The following RALYL variants were observed in gnomAD, a reference collection of about 807,000 sequenced individuals.
The protein encoded by RALYL is RNA-binding Raly-like protein.
RALYL carries 29 observed loss-of-function variants against 35.1 expected under a neutral mutation model. The observed-to-expected ratio is 0.83, with a 90% CI of 0.61 to 1.13. The LOEUF (loss-of-function observed/expected upper bound fraction) is 1.13. RALYL is among the 50% of genes most tolerant of loss of function. The pLI is 0.00. For missense variants in RALYL, 359 were observed against 360.4 expected, an observed-to-expected ratio of 1.00 and a Z score of 0.03; for synonymous variants, 120 against 127.6, an observed-to-expected ratio of 0.94 and a Z score of 0.40.
At chr8:84,561,281 A>G (rs1229126476) in intron 2 of RALYL, among the ~76,000 whole-genome samples, 1 of 152,098 alleles carries the variant, frequency 6.6e-6, no homozygotes, top group African/African-American at 2.4e-5. Context: ...TTAAAAAAGT[A>G]TAATATATAG....
intron 1 of RALYL, among the ~76,000 whole-genome samples, chr8:84,392,211 C>CAATAATAAT (rs1860855365): frequency 6.6e-6 from 1 of 151,832 alleles, no homozygotes; most frequent in Non-Finnish European, 1.5e-5. Context: ...TAATATGGTA[C>CAATAATAAT]AATAATAATT....
chr8:84,220,454 C>T (rs548243105), intron 1 of RALYL, among the ~76,000 whole-genome samples: 119 of 152,046 alleles, frequency 7.8e-4, no homozygotes, highest in African/African-American at 2.7e-3. Flanking sequence ...TCCAGTAACA[C>T]TAACTTTTGG....
intron 2 of RALYL, among the ~76,000 whole-genome samples, chr8:84,617,065 G>A (rs909877144): frequency 2.3e-4 from 35 of 150,660 alleles, no homozygotes; most frequent in Admixed American, 1.1e-3. Context: ...GGATTGACTC[G>A]GTGATGCAGG....
chr8:84,193,952 C>G (rs16912516), intron 1 of RALYL, among the ~76,000 whole-genome samples: 1,951 of 152,064 alleles, frequency 0.013, 44 homozygotes, highest in African/African-American at 0.043. Context: ...ACGAGATGAA[C>G]AGAATAAGAA....
intron 1 of RALYL, among the ~76,000 whole-genome samples, chr8:84,481,689 C>G (rs1004475605): frequency 7.9e-5 from 12 of 152,062 alleles, no homozygotes; most frequent in Non-Finnish European, 7.4e-5. Context: ...ATACTACAGG[C>G]ATTATGCAAA....
Position 84,722,734 on chromosome 8 carries a change from T to C in RALYL, c.257-51845T>C, listed in dbSNP as rs566056031. Among the ~76,000 whole-genome samples the C allele has an allele frequency of 3.5e-3, 521 of 147,862 alleles. 4 individuals carry two copies. The highest frequency in any genetic ancestry group is 0.012 in the African/African-American group (489 of 40,290). On this transcript the variant is annotated intron_variant, in intron 2 of 8. Coordinates refer to ENST00000521268, the MANE Select transcript of RALYL (RefSeq NM_173848.7). Reference sequence around the variant, plus strand: ...GTGTATGTGTGTATATATAATATTATACATATCACTCTAGCAATATACTCA... The same window carrying C: ...GTGTATGTGTGTATATATAATATTACACATATCACTCTAGCAATATACTCA...
rs1340748964 is a variant in RALYL, at chr8:84,778,876, G to A, written c.332+4222G>A. ...GAATGATCACATGAGCTGAATAGAA[G>A]AAATAGGAAACACATGATAAGCAAT... On this transcript the variant is annotated intron_variant, in intron 3 of 8. Coordinates refer to ENST00000521268, the MANE Select transcript of RALYL (RefSeq NM_173848.7). 4.6e-5 allele frequency among the ~76,000 whole-genome samples: 7 copies of A among 152,236 alleles called. No homozygotes were observed. In the East Asian group the frequency reaches 1.2e-3, roughly 25 times the overall value.
At chr8:84,347,260 T>C (rs1850010358) in intron 1 of RALYL, among the ~76,000 whole-genome samples, 1 of 152,042 alleles carries the variant, frequency 6.6e-6, no homozygotes, top group South Asian at 2.1e-4. Context: ...TTATTATTAA[T>C]AACAATAATA....
chr8:84,215,219 A>G (rs1302866273), intron 1 of RALYL, among the ~76,000 whole-genome samples: 3 of 152,150 alleles, frequency 2.0e-5, no homozygotes, highest in Non-Finnish European at 4.4e-5. Flanking sequence ...ACACATTTTA[A>G]TATCATCATT....
At chr8:84,410,658 T>C (rs2044006320) in intron 1 of RALYL, among the ~76,000 whole-genome samples, 1 of 151,828 alleles carries the variant, frequency 6.6e-6, no homozygotes, top group Non-Finnish European at 1.5e-5. Context: ...AATGACCCCA[T>C]TTAATATATA....
intron 1 of RALYL, among the ~76,000 whole-genome samples, chr8:84,197,140 T>C (rs1815513719): frequency 6.6e-6 from 1 of 152,200 alleles, no homozygotes; most frequent in African/African-American, 2.4e-5. Flanking sequence ...TGCTAACAGA[T>C]TTAACACCAA....
chr8:84,379,133 G>T (rs933593872), intron 1 of RALYL, among the ~76,000 whole-genome samples: 3 of 151,844 alleles, frequency 2.0e-5, no homozygotes, highest in African/African-American at 4.8e-5. Context: ...GATTTGAGCA[G>T]AACATTTAAA....
chr8:84,874,398 T>C (rs1840755248), intron 7 of RALYL, among the ~76,000 whole-genome samples: 1 of 152,194 alleles, frequency 6.6e-6, no homozygotes, highest in Non-Finnish European at 1.5e-5. Flanking sequence ...ATCTAATTAG[T>C]GATAGACCTC....
intron 1 of RALYL, among the ~76,000 whole-genome samples, chr8:84,238,962 A>C (rs137962830): frequency 5.9e-5 from 9 of 152,194 alleles, no homozygotes; most frequent in Non-Finnish European, 1.3e-4. Context: ...TAGTGGTTCT[A>C]CTGTGGACCA....
At chr8:84,758,606 G>A (rs879350292) in intron 2 of RALYL, among the ~76,000 whole-genome samples, 10 of 151,666 alleles carry the variant, frequency 6.6e-5, no homozygotes, top group Admixed American at 4.6e-4. Context: ...TCTTCACCAC[G>A]TGGCCTTCCC....
chr8:84,227,551 A>G (rs926267613), intron 1 of RALYL, among the ~76,000 whole-genome samples: 1 of 152,180 alleles, frequency 6.6e-6, no homozygotes, highest in African/African-American at 2.4e-5. Context: ...TACTTATCAA[A>G]CAAAAGTTAC....
At chr8:84,747,396 C>T (rs1416834832) in intron 2 of RALYL, among the ~76,000 whole-genome samples, 3 of 151,706 alleles carry the variant, frequency 2.0e-5, no homozygotes, top group African/African-American at 4.8e-5. Flanking sequence ...GAAATAAGAG[C>T]AATACAATGT....
intron 1 of RALYL, among the ~76,000 whole-genome samples, chr8:84,409,525 G>A (rs1484772355): frequency 6.6e-6 from 1 of 151,998 alleles, no homozygotes; most frequent in Non-Finnish European, 1.5e-5. Flanking sequence ...AGCTATCATA[G>A]AGCTCATTTA....
chr8:84,668,977 C>G (rs1400836140), intron 2 of RALYL, among the ~76,000 whole-genome samples: 1 of 152,058 alleles, frequency 6.6e-6, no homozygotes, highest in Non-Finnish European at 1.5e-5. Context: ...ATCCATCCAT[C>G]CATCCATCCA....
Sources: gnomAD v4.1 joint callset for allele counts (sites outside exome capture counted in the v4.1 genomes callset) on GRCh38, gnomAD v4.1.1 for gene constraint, MANE v1.5 for transcripts, NCBI Gene and HGNC (gene_info 2026-07-23, HGNC 2026-07-21) for gene names.